The following RICTOR variants were observed in gnomAD, a reference collection of about 807,000 sequenced individuals.
RICTOR encodes the protein rapamycin-insensitive companion of mTOR.
RICTOR carries 49 observed loss-of-function variants against 214.9 expected under a neutral mutation model. The ratio of observed to expected loss-of-function variants is 0.23; its 90% confidence interval spans 0.18 to 0.29. RICTOR has a LOEUF of 0.29. Among genes scored for constraint, RICTOR ranks in the 10% least tolerant of loss-of-function variants. The pLI is 1.00. For missense variants in RICTOR, 1,625 were observed against 2,047.0 expected (o/e 0.79, Z 3.98); for synonymous variants, 717 against 711.3 (o/e 1.01, Z -0.13).
At chr5:39,067,333 C>T (rs4273623) in intron 2 of RICTOR, among the ~76,000 whole-genome samples, 96,539 of 151,870 alleles carry the variant, frequency 0.64, 30,873 homozygotes, top group African/African-American at 0.71. Context: ...CAGATCTTGC[C>T]AGAACTCACT....
chr5:39,029,742 A>G (rs1756123259), intron 2 of RICTOR, among the ~76,000 whole-genome samples: 1 of 152,210 alleles, frequency 6.6e-6, no homozygotes, highest in Non-Finnish European at 1.5e-5. Context: ...CTCTACGTAA[A>G]GTGGAAATAT....
At chr5:39,023,639 C>T (rs1411950602) in intron 2 of RICTOR, among the ~76,000 whole-genome samples, 1 of 152,138 alleles carries the variant, frequency 6.6e-6, no homozygotes, top group African/African-American at 2.4e-5. Context: ...GTTTAAGAGC[C>T]ATTATGACTT....
intron 7 of RICTOR, among the ~76,000 whole-genome samples, chr5:38,982,311 C>CTAA (rs1277432509): frequency 2.0e-5 from 3 of 151,988 alleles, no homozygotes; most frequent in Admixed American, 6.5e-5. Context: ...GCAGGGAGTT[C>CTAA]TTTATAAAGT....
chr5:38,998,973 G>A (rs555104013), intron 5 of RICTOR, among the ~76,000 whole-genome samples: 62 of 133,698 alleles, frequency 4.6e-4, no homozygotes, highest in Non-Finnish European at 8.1e-4. Context: ...CCGAGATTGC[G>A]CCACTGCACT....
At chr5:38,990,683 TC>T (rs1167220189) in intron 7 of RICTOR, among the ~76,000 whole-genome samples, 6 of 102,508 alleles carry the variant, frequency 5.9e-5, no homozygotes, top group African/African-American at 2.2e-4. Context: ...ATCAGATATA[TC>T]ATATATATGA....
intron 10 of RICTOR, 64 bp downstream of exon 10, chr5:38,975,473 A>G (rs1474790394): frequency 9.1e-7 from 1 of 1,104,178 alleles, no homozygotes; most frequent in East Asian, 2.4e-5. Context: ...ATAATAATTT[A>G]ACATTTGAAA....
At position 38,950,016 on chromosome 5, in the gene RICTOR, A is replaced by G. The variant is rs1290221864; in HGVS notation, c.3832T>C (p.Ser1278Pro). 2.5e-6 allele frequency: 4 copies of G among 1,613,424 alleles called. No homozygotes were observed. The highest frequency in any genetic ancestry group is 4.5e-5 in the East Asian group (2 of 44,882). The change falls in exon 31 of 38, where the codon TCT becomes CCT. Residue 1278 changes from serine to proline, a missense_variant. Physicochemically the swap from Ser to Pro is moderately conservative, Grantham distance 74. Transcript: ENST00000357387. ...HYLTPQSNHL[S>P]LSKSNSVSLV... ...GACACCGAATTTGATTTGGAGAGAG[A>G]CAGATGGTTAGACTGTGGCGTCAAA... is the stretch of plus-strand genomic sequence containing the variant.
At chr5:39,052,237 G>A (rs143535348) in intron 2 of RICTOR, among the ~76,000 whole-genome samples, 41 of 152,214 alleles carry the variant, frequency 2.7e-4, no homozygotes, top group East Asian at 9.7e-4. Flanking sequence ...TTAGCCAGGC[G>A]TGGTGGTATG....
intron 15 of RICTOR, among the ~76,000 whole-genome samples, 165 bp downstream of exon 15, chr5:38,966,476 T>G (rs1384773706): frequency 6.6e-6 from 1 of 152,270 alleles, no homozygotes; most frequent in Non-Finnish European, 1.5e-5. Context: ...TACATATCTA[T>G]CTCAGGATAC....
intron 2 of RICTOR, among the ~76,000 whole-genome samples, chr5:39,024,093 C>A (rs1248530193): frequency 1.3e-5 from 2 of 152,150 alleles, no homozygotes; most frequent in African/African-American, 4.8e-5. Flanking sequence ...AGTGCGCAAC[C>A]TAGATCCCTC....
intron 10 of RICTOR, among the ~76,000 whole-genome samples, chr5:38,974,416 G>A (rs1263989369): frequency 6.6e-6 from 1 of 152,102 alleles, no homozygotes; most frequent in South Asian, 2.1e-4. Flanking sequence ...GAGCAATAAG[G>A]AAAGACTGGC....
At chr5:39,041,091 G>A (rs1757133454) in intron 2 of RICTOR, among the ~76,000 whole-genome samples, 2 of 152,302 alleles carry the variant, frequency 1.3e-5, no homozygotes, top group Middle Eastern at 3.4e-3. Flanking sequence ...GGCACATGGT[G>A]GGTTGTCAAT....
At chr5:39,001,780 C>T (rs1019678876) in intron 5 of RICTOR, among the ~76,000 whole-genome samples, 3 of 151,940 alleles carry the variant, frequency 2.0e-5, no homozygotes, top group South Asian at 2.1e-4. Context: ...CATCACTCAC[C>T]GGGGAACACA....
intron 7 of RICTOR, among the ~76,000 whole-genome samples, chr5:38,989,357 G>C (rs1444582715): frequency 6.6e-6 from 1 of 151,968 alleles, no homozygotes; most frequent in Non-Finnish European, 1.5e-5. Context: ...CCTTACACAA[G>C]AATTAACTTG....
intron 5 of RICTOR, among the ~76,000 whole-genome samples, chr5:39,001,285 C>G (rs900866421): frequency 6.6e-6 from 1 of 152,044 alleles, no homozygotes; most frequent in Non-Finnish European, 1.5e-5. Flanking sequence ...TAGATTGCTA[C>G]TGAACTACCT....
In RICTOR at chr5:38,966,683, G is replaced by C; in HGVS notation, c.1257C>G (p.Ile419Met). 6.3e-7 allele frequency: 1 copy of C among 1,595,974 alleles called. No individual in the cohort carries two copies. Among genetic ancestry groups the C allele is most frequent in the Non-Finnish European group, 8.6e-7 (1 of 1,165,964 alleles). Reference protein sequence around the residue: ...VEVITNSDDHISVRATILLGE... With the variant: ...VEVITNSDDHMSVRATILLGE... ...CTAAAAGGATGGTAGCTCTAACTGAGATATGATCATCACTGTTTGTTATCA... is the reference window on the plus strand; with the variant it reads ...CTAAAAGGATGGTAGCTCTAACTGACATATGATCATCACTGTTTGTTATCA... The change falls in exon 15 of 38, where the codon ATC (isoleucine) becomes ATG (methionine). Residue 419 changes from isoleucine to methionine, a missense_variant. Transcript: ENST00000357387.
chr5:38,959,146 G>A, intron 22 of RICTOR, 49 bp downstream of exon 22: 1 of 1,355,436 alleles, frequency 7.4e-7, no homozygotes, highest in East Asian at 2.4e-5. Context: ...TCATAAAGTA[G>A]TGAATTAATT....
intron 2 of RICTOR, among the ~76,000 whole-genome samples, chr5:39,026,837 G>A (rs1457344909): frequency 1.3e-5 from 2 of 151,758 alleles, no homozygotes; most frequent in African/African-American, 2.4e-5. Flanking sequence ...GAGAAACCCC[G>A]TCTCTCCTAA....
chr5:38,955,568 T>G (rs770410616), intron 26 of RICTOR, 27 bp downstream of exon 26: 1 of 1,197,252 alleles, frequency 8.4e-7, no homozygotes, highest in Admixed American at 1.8e-5. Context: ...GATGAACTAG[T>G]TTTAAATCTG....
Sources: allele counts gnomAD v4.1 joint callset (sites outside exome capture counted in the v4.1 genomes callset), GRCh38; gene constraint gnomAD v4.1.1; transcripts MANE v1.5; gene names NCBI Gene and HGNC (gene_info 2026-07-23, HGNC 2026-07-21).